OR6P1: variants seen among roughly 807,000 people sequenced by gnomAD.
OR6P1 encodes olfactory receptor 6P1.
In OR6P1, 5 loss-of-function variants were observed where a neutral mutation model predicts 6.6. The ratio of observed to expected loss-of-function variants is 0.76; its 90% CI spans 0.40 to 1.60. The LOEUF (loss-of-function observed/expected upper bound fraction) is 1.60, where lower values mean the gene tolerates loss of function less well. Ranked by LOEUF, OR6P1 falls within the 40% of genes most tolerant of loss-of-function variation. The pLI is 0.02. For synonymous variants in OR6P1, 177 were observed against 149.6 expected (o/e 1.18, Z -1.33); for missense variants, 451 against 383.0 (o/e 1.18, Z -1.48).
rs1648029857 is a variant in OR6P1 at position 158,563,711 on chromosome 1, A to G, written c.-22-85T>C. On this transcript the variant is annotated intron_variant, in intron 2 of 2. Coordinates refer to ENST00000641540, the MANE Select transcript of OR6P1 (RefSeq NM_001160325.2). Reference sequence around the variant, plus strand: ...ATACTCTCACAGGTTATAACCACTGAAGAGCTTAGTGGCATATTAATTATT... The same window carrying G: ...ATACTCTCACAGGTTATAACCACTGGAGAGCTTAGTGGCATATTAATTATT... The G allele has an allele frequency of 1.0e-5, 7 of 688,088 alleles. No homozygotes were observed. In the South Asian group the frequency reaches 1.3e-4, roughly 13 times the overall value. 42.6% of individuals were successfully genotyped at this position (688,088 alleles called of 1,614,324 possible). A position where few individuals can be genotyped will look rare whatever the true frequency, so the allele number is the denominator to read the frequency against.
rs981029381 is a variant in OR6P1, at chr1:158,560,764, A to G, written c.*1887T>C. 3.9e-5 allele frequency: 6 copies of G among 152,190 alleles called. No individual in the cohort carries two copies. The highest frequency in any genetic ancestry group is 3.3e-4 in the Admixed American group (5 of 15,282). 9.4% of individuals were successfully genotyped at this position (152,190 alleles called of 1,614,324 possible). A position where few individuals can be genotyped will look rare whatever the true frequency, so the allele number is the denominator to read the frequency against. ...GAATTTTCAAGCCCTGTAAGAGCCTATATCACTTGTAACAATTTCATGGGC... is the reference window on the plus strand; with the variant it reads ...GAATTTTCAAGCCCTGTAAGAGCCTGTATCACTTGTAACAATTTCATGGGC... On this transcript the variant is annotated 3_prime_UTR_variant, in exon 3 of 3. Transcript: ENST00000641540.
chr1:158,567,453 A>C (rs1199390509), intron 1 of OR6P1, among the ~76,000 whole-genome samples: 1 of 147,222 alleles, frequency 6.8e-6, no homozygotes, highest in Non-Finnish European at 1.5e-5. Context: ...ACCATGGAAT[A>C]CTATGCAGCC....
In OR6P1 at chr1:158,563,698, G is replaced by A. The variant is rs1051846632; in HGVS notation, c.-22-72C>T. The A allele has an allele frequency of 6.6e-6, 5 of 758,084 alleles. No homozygotes were observed. In the African/African-American group the frequency reaches 8.9e-5, roughly 14 times the overall value. The allele number at this position is 758,084 out of a possible 1,614,324, so 47.0% of individuals were successfully genotyped here. On this transcript the variant is annotated intron_variant, in intron 2 of 2. Coordinates refer to ENST00000641540, the MANE Select transcript of OR6P1 (RefSeq NM_001160325.2). ...ACAAACCACCAACATACTCTCACAG[G>A]TTATAACCACTGAAGAGCTTAGTGG...
In OR6P1 at chr1:158,563,241, G is replaced by A. The variant is rs747620276; in HGVS notation, c.364C>T (p.Arg122Cys). The A allele has an allele frequency of 3.0e-5, 46 of 1,551,450 alleles. No homozygotes were observed. Among genetic ancestry groups the A allele is most frequent in the Admixed American group, 7.9e-5 (4 of 50,946 alleles). Reference sequence around the variant, plus strand: ...AGGGGTCCACAGATGGCCAGGTAGCGATCATAGGCCATAACTGCCAACAGC... The same window carrying A: ...AGGGGTCCACAGATGGCCAGGTAGCAATCATAGGCCATAACTGCCAACAGC... Reference protein sequence around the residue: ...CVLLAVMAYDRYLAICGPLLY... With the variant: ...CVLLAVMAYDCYLAICGPLLY... Residue 122 changes from arginine (R) to cysteine (C), a missense_variant, in exon 3 of 3, where the codon CGC becomes TGC. Coordinates refer to ENST00000641540, the MANE Select transcript of OR6P1 (RefSeq NM_001160325.2).
Position 158,562,714 on chromosome 1 carries a change from C to T in OR6P1, c.891G>A (p.Val297=), listed in dbSNP as rs1281914887. The T allele has an allele frequency of 1.9e-6, 3 of 1,561,540 alleles. No individual in the cohort carries two copies. Among genetic ancestry groups the T allele is most frequent in the Non-Finnish European group, 2.6e-6 (3 of 1,152,098 alleles). ...TCACTGTCTTCCTGAAGGCCTCCTTCACCTCCTTGTTCCTCAGGCAGTAGA... is the reference window on the plus strand; with the variant it reads ...TCACTGTCTTCCTGAAGGCCTCCTTTACCTCCTTGTTCCTCAGGCAGTAGA... The part of the protein sequence containing the change: ...PAIYCLRNKE[V]KEAFRKTVMG... Residue 297 remains valine (V), a synonymous_variant, in exon 3 of 3, where the codon GTG becomes GTA. Coordinates refer to ENST00000641540, the MANE Select transcript of OR6P1 (RefSeq NM_001160325.2).
In OR6P1 at chr1:158,561,657, T is replaced by A. The variant is rs1413898173; in HGVS notation, c.*994A>T. ...GATAAGAAAAATTTCTCTGAACAAT[T>A]CAAGTAACTTTCCAAAAATCAAAGG... On this transcript the variant is annotated 3_prime_UTR_variant, in exon 3 of 3. Coordinates refer to ENST00000641540, the MANE Select transcript of OR6P1 (RefSeq NM_001160325.2). 2 of 152,206 alleles carry A rather than the reference T, an allele frequency of 1.3e-5. No individual in the cohort carries two copies. The highest frequency in any genetic ancestry group is 4.8e-5 in the African/African-American group (2 of 41,456). The allele number at this position is 152,206 out of a possible 1,614,324, so 9.4% of individuals were successfully genotyped here.
chr1:158,566,410 T>C (rs571767304), intron 2 of OR6P1, among the ~76,000 whole-genome samples: 36 of 152,218 alleles, frequency 2.4e-4, no homozygotes, highest in African/African-American at 8.2e-4. Context: ...AAGCCCAACA[T>C]GCCTCAGGAG....
In OR6P1 at chr1:158,563,188, A is replaced by G; in HGVS notation, c.417T>C (p.Ser139=). 2.6e-6 allele frequency: 4 copies of G among 1,551,478 alleles called. No homozygotes were observed. Reference sequence around the variant, plus strand: ...AGGCAGCAGCAAGGCGAGTGGCCAGACTGGAAGGCATGAGACTAGGGTAAA... The same window carrying G: ...AGGCAGCAGCAAGGCGAGTGGCCAGGCTGGAAGGCATGAGACTAGGGTAAA... ...PLLYPSLMPS[S]LATRLAAASW... Residue 139 remains serine, a synonymous_variant, in exon 3 of 3, where the codon AGT becomes AGC. Coordinates refer to ENST00000641540, the MANE Select transcript of OR6P1 (RefSeq NM_001160325.2).
Position 158,562,529 on chromosome 1 carries a change from A to C in OR6P1, c.*122T>G. 1 of 646,246 alleles carries C rather than the reference A, an allele frequency of 1.5e-6. No homozygotes were observed. The highest frequency in any genetic ancestry group is 2.7e-6 in the Non-Finnish European group (1 of 368,724). The allele number at this position is 646,246 out of a possible 1,614,324, so 40.0% of individuals were successfully genotyped here. On this transcript the variant is annotated 3_prime_UTR_variant, in exon 3 of 3. Transcript: ENST00000641540. The stretch of plus-strand genomic sequence containing the variant: ...AGTTTCATTTGTATCAGAAGGTCCC[A>C]GACAATATTTAGAGAAAATGTTGGC...
At position 158,561,324 on chromosome 1, in the gene OR6P1, A is replaced by G. The variant is rs1215935033; in HGVS notation, c.*1327T>C. The G allele has an allele frequency of 6.6e-6, 1 of 152,152 alleles. No individual in the cohort carries two copies. The highest frequency in any genetic ancestry group is 1.5e-5 in the Non-Finnish European group (1 of 68,016). 9.4% of individuals were successfully genotyped at this position (152,152 alleles called of 1,614,324 possible). On this transcript the variant is annotated 3_prime_UTR_variant, in exon 3 of 3. Coordinates refer to ENST00000641540, the MANE Select transcript of OR6P1 (RefSeq NM_001160325.2). ...TCTAAGGCTATTTAGAAATTTTATG[A>G]AAACAAAACAACTTAAACTGTTTTA...
In OR6P1 at chr1:158,562,551, T is replaced by G; in HGVS notation, c.*100A>C. The G allele has an allele frequency of 1.4e-6, 1 of 691,722 alleles. No homozygotes were observed. Among genetic ancestry groups the G allele is most frequent in the Admixed American group, 2.8e-5 (1 of 35,304 alleles). The allele number at this position is 691,722 out of a possible 1,614,324, so 42.8% of individuals were successfully genotyped here. ...CCCAGACAATATTTAGAGAAAATGT[T>G]GGCAAATTATATTTATGTTCCCTTA... On this transcript the variant is annotated 3_prime_UTR_variant, in exon 3 of 3. Coordinates refer to ENST00000641540, the MANE Select transcript of OR6P1 (RefSeq NM_001160325.2).
At position 158,562,947 on chromosome 1, in the gene OR6P1, C is replaced by T. The variant is rs1218250298; in HGVS notation, c.658G>A (p.Ala220Thr). 15 of 1,551,600 alleles carry T rather than the reference C, an allele frequency of 9.7e-6. No homozygotes were observed. The highest frequency in any genetic ancestry group is 1.1e-5 in the Non-Finnish European group (13 of 1,147,018). Residue 220 changes from alanine (A) to threonine (T), a missense_variant, in exon 3 of 3, where the codon GCC becomes ACC. Coordinates refer to ENST00000641540, the MANE Select transcript of OR6P1 (RefSeq NM_001160325.2). The part of the protein sequence containing the change: ...PLLAVVSSYT[A>T]IIAAILRIPT... Reference sequence around the variant, plus strand: ...ATCCTCAGGATGGCTGCAATGATGGCAGTGTATGATGAAACCACAGCCAAT... The same window carrying T: ...ATCCTCAGGATGGCTGCAATGATGGTAGTGTATGATGAAACCACAGCCAAT...
Position 158,562,781 on chromosome 1 carries a change from G to A in OR6P1, c.824C>T (p.Ser275Phe). The A allele has an allele frequency of 6.4e-7, 1 of 1,553,040 alleles. No individual in the cohort carries two copies. The highest frequency in any genetic ancestry group is 8.7e-7 in the Non-Finnish European group (1 of 1,147,600). The change falls in exon 3 of 3, where the codon TCT (serine) becomes TTT (phenylalanine). Residue 275 changes from serine to phenylalanine, a missense_variant. Ser to Phe is a radical substitution (Grantham distance 155, BLOSUM62 -2). Transcript: ENST00000641540. The stretch of plus-strand genomic sequence containing the variant: ...TGGTACAATGATAGTGTAGAGCACA[G>A]AGATAATCTTGTTGTGGTTGAAGGT... ...MYTFNHNKII[S>F]VLYTIIVPFF...
At chr1:158,564,275 G>A (rs917466709) in intron 2 of OR6P1, among the ~76,000 whole-genome samples, 1 of 152,056 alleles carries the variant, frequency 6.6e-6, no homozygotes, top group Non-Finnish European at 1.5e-5. Flanking sequence ...ATTTCCAGGA[G>A]GTATAACAGA....
At chr1:158,563,723 G>A in intron 2 of OR6P1, 97 bp from the exon 3 acceptor site, 1 of 629,870 alleles carries the variant, frequency 1.6e-6, no homozygotes, top group Non-Finnish European at 2.7e-6. Flanking sequence ...GAGCTTAGTG[G>A]CATATTAATT....
rs191884417 is a variant in OR6P1, at chr1:158,563,478, C to A, written c.127G>T (p.Ala43Ser). The A allele has an allele frequency of 1.9e-5, 30 of 1,551,090 alleles. No individual in the cohort carries two copies. The highest frequency in any genetic ancestry group is 4.9e-5 in the East Asian group (2 of 40,888). ...AGCCATATTGTGAAGACAATAAGTG[C>A]ATTCTCCAACAATGTCAGAAGGTAA... ...AIYLLTLLEN[A>S]LIVFTIWLAP... The change falls in exon 3 of 3, where the codon GCA becomes TCA. Residue 43 changes from alanine to serine, a missense_variant. Coordinates refer to ENST00000641540, the MANE Select transcript of OR6P1 (RefSeq NM_001160325.2).
rs1320535058 is a variant in OR6P1, at chr1:158,561,601, C to A, written c.*1050G>T. On this transcript the variant is annotated 3_prime_UTR_variant, in exon 3 of 3. Transcript: ENST00000641540. ...TAATCATTGAATTTGGTTCAATATGCAGAAATTTGTGTAAATGAGCCTAGA... is the reference window on the plus strand; with the variant it reads ...TAATCATTGAATTTGGTTCAATATGAAGAAATTTGTGTAAATGAGCCTAGA... 1 of 152,136 alleles carries A rather than the reference C, an allele frequency of 6.6e-6. No individual in the cohort carries two copies. The allele number at this position is 152,136 out of a possible 1,614,324, so 9.4% of individuals were successfully genotyped here.
At chr1:158,566,037 G>A (rs557063036) in intron 2 of OR6P1, among the ~76,000 whole-genome samples, 2 of 152,220 alleles carry the variant, frequency 1.3e-5, no homozygotes, top group South Asian at 2.1e-4. Flanking sequence ...CCAGTTATTA[G>A]CCATTTACTT....
chr1:158,561,271 T>C lies in OR6P1; in HGVS notation c.*1380A>G, dbSNP rs1647943869. 6.6e-6 allele frequency: 1 copy of C among 152,202 alleles called. No homozygotes were observed. Among genetic ancestry groups the C allele is most frequent in the African/African-American group, 2.4e-5 (1 of 41,458 alleles). 9.4% of individuals were successfully genotyped at this position (152,202 alleles called of 1,614,324 possible). On this transcript the variant is annotated 3_prime_UTR_variant, in exon 3 of 3. Transcript: ENST00000641540. ...TCTATGAAAGGAGAGGAGAATGTAA[T>C]GTAAATTGAGCTATGTTCAGAGCTG...
Sources: gnomAD v4.1 joint callset for allele counts (sites outside exome capture counted in the v4.1 genomes callset) on GRCh38, gnomAD v4.1.1 for gene constraint, MANE v1.5 for transcripts, NCBI Gene and HGNC (gene_info 2026-07-23, HGNC 2026-07-21) for gene names.